The following UNC13D variants were observed in gnomAD, a reference collection of about 807,000 sequenced individuals.
UNC13D encodes protein unc-13 homolog D.
In UNC13D, 115 loss-of-function variants were observed where a neutral mutation model predicts 151.7. That is an observed-to-expected ratio of 0.76 (90% CI 0.65 to 0.88). The LOEUF (loss-of-function observed/expected upper bound fraction) is 0.88, where lower values mean the gene tolerates loss of function less well. Among genes scored for constraint, UNC13D ranks in the 40% least tolerant of loss-of-function variants. UNC13D has a pLI of 0.00. For synonymous variants in UNC13D, 588 were observed against 612.2 expected, an observed-to-expected ratio of 0.96 and a Z score of 0.58; for missense variants, 1,369 against 1,438.7, an observed-to-expected ratio of 0.95 and a Z score of 0.78.
At position 75,828,811 on chromosome 17, in the gene UNC13D, G is replaced by A. The variant is rs780811495; in HGVS notation, c.3127C>T (p.Pro1043Ser). Residue 1043 changes from proline to serine, a missense_variant, in exon 31 of 32, where the codon CCC (proline) becomes TCC (serine). By Grantham distance (74) the Pro-to-Ser change is moderately conservative (BLOSUM62 -1). This residue lies in a region of UNC13D where 807 missense variants were observed against 795.5 expected (regional missense o/e 1.01). Transcript: ENST00000207549. ...CCGTTGGGTGCGGGGTACGTGAGGGGCAGGCGGGTCTGAGGCACCTCACCA... is the reference window on the plus strand; with the variant it reads ...CCGTTGGGTGCGGGGTACGTGAGGGACAGGCGGGTCTGAGGCACCTCACCA... ...EPGEVPQTRLPLTYPAPNGDP... is the reference protein window; with the variant it reads ...EPGEVPQTRLSLTYPAPNGDP... The A allele has an allele frequency of 5.8e-6, 9 of 1,555,698 alleles. No homozygotes were observed. Among genetic ancestry groups the A allele is most frequent in the Admixed American group, 1.9e-5 (1 of 51,670 alleles).
In UNC13D at chr17:75,843,151, G is replaced by A. The variant is rs573508258; in HGVS notation, c.261+8C>T. The A allele has an allele frequency of 1.2e-4, 195 of 1,611,408 alleles. No individual in the cohort carries two copies. The East Asian group carries it at 1.3e-3, about 11-fold the overall frequency. On this transcript the variant is annotated splice_region_variant and intron_variant, in intron 3 of 31. Transcript: ENST00000207549. ...CAGGAAGGGGGGTGGGGTGGGAGCC[G>A]GGCTCACCTCCTGCAGGTATCGCAG...
rs943094444 is a variant in UNC13D at position 75,840,304 on chromosome 17, C to G, written c.779G>C (p.Trp260Ser). Residue 260 changes from tryptophan (W) to serine (S), a missense_variant, in exon 10 of 32, where the codon TGG (tryptophan) becomes TCG (serine). This residue lies in a region of UNC13D where 550 missense variants were observed against 609.0 expected (regional missense o/e 0.90). Coordinates refer to ENST00000207549, the MANE Select transcript of UNC13D (RefSeq NM_199242.3). This position sits in a 1 kb window ranked among gnomAD's most constrained non-coding sequence, Gnocchi z 4.6. ...CTCAGTGCGGGGTTCCAGGGGGTAC[C>G]ACTGGTCCTCTCGGCAGCGCAGGTC... ...LQDLRCREDQ[W>S]YPLEPRTETY... 1.2e-6 allele frequency: 2 copies of G among 1,613,846 alleles called. No homozygotes were observed. The highest frequency in any genetic ancestry group is 1.7e-6 in the Non-Finnish European group (2 of 1,180,008).
At chr17:75,838,825 G>A (rs897725128) in intron 12 of UNC13D, among the ~76,000 whole-genome samples, 28 of 152,214 alleles carry the variant, frequency 1.8e-4, no homozygotes, top group Admixed American at 1.7e-3. Flanking sequence ...CAAAGGCTGG[G>A]CGCGGTGGCA....
At chr17:75,841,033 C>T in intron 6 of UNC13D, 32 bp from the exon 7 acceptor site, 2 of 1,613,592 alleles carry the variant, frequency 1.2e-6, no homozygotes, top group Non-Finnish European at 1.7e-6. Context: ...GTTGAGGGCC[C>T]TGGAGGGTGG....
rs548727878 is a variant in UNC13D at position 75,838,508 on chromosome 17, C to T, written c.1055+1331G>A. Among the ~76,000 whole-genome samples the T allele has an allele frequency of 5.3e-5, 8 of 152,044 alleles. No individual in the cohort carries two copies. The South Asian group carries it at 1.2e-3, about 24-fold the overall frequency. ...TGCTGGGATTCCAGGCGCGAGCCAC[C>T]GTGCCCGGCCGGCTATGTCCCATCT... is the stretch of plus-strand genomic sequence containing the variant. On this transcript the variant is annotated intron_variant, in intron 12 of 31. Coordinates refer to ENST00000207549, the MANE Select transcript of UNC13D (RefSeq NM_199242.3).
Position 75,833,089 on chromosome 17 carries a change from G to A in UNC13D, c.2368-44C>T. The A allele has an allele frequency of 6.4e-7, 1 of 1,557,470 alleles. No individual in the cohort carries two copies. The highest frequency in any genetic ancestry group is 8.7e-7 in the Non-Finnish European group (1 of 1,146,824). On this transcript the variant is annotated intron_variant, in intron 24 of 31. Transcript: ENST00000207549. The surrounding 1 kb of genome is among the most constrained non-coding windows in gnomAD (Gnocchi z 4.0). ...AGCAGGTGTGGCTCCGGCCCATGTT[G>A]GCCCCACCCCCATCCCCTTCCCCTG... is the stretch of plus-strand genomic sequence containing the variant.
chr17:75,843,558 C>A, intron 1 of UNC13D, 39 bp from the exon 2 acceptor site: 1 of 1,605,464 alleles, frequency 6.2e-7, no homozygotes, highest in Non-Finnish European at 8.5e-7. Context: ...CCGGGAGGCC[C>A]AGAGCAGGCT....
rs958957657 is a variant in UNC13D, at chr17:75,834,716, C to A, written c.1993G>T (p.Asp665Tyr). 6.2e-7 allele frequency: 1 copy of A among 1,613,440 alleles called. No individual in the cohort carries two copies. Among genetic ancestry groups the A allele is most frequent in the Non-Finnish European group, 8.5e-7 (1 of 1,179,958 alleles). ...AFMITVKFVE[D>Y]TCRLALVYCS... ...TACACCAGGGCCAGGCGACAGGTGT[C>A]CTAGGGTGGGGTTGGACAGAGGGAA... The change falls in exon 22 of 32, where the codon GAC becomes TAC. Residue 665 changes from aspartate (D) to tyrosine (Y), a missense_variant and splice_region_variant. Coordinates refer to ENST00000207549, the MANE Select transcript of UNC13D (RefSeq NM_199242.3).
At position 75,843,933 on chromosome 17, in the gene UNC13D, G is replaced by A; in HGVS notation, c.117+288C>T. 8 of 1,386,298 alleles carry A rather than the reference G, an allele frequency of 5.8e-6. No homozygotes were observed. In the South Asian group the frequency reaches 7.8e-5, roughly 14 times the overall value. 85.9% of individuals were successfully genotyped at this position (1,386,298 alleles called of 1,614,324 possible). ...AGCAGGGACACCCCCACCTAATGGA[G>A]TCGGCTCTTCTGAAGCTGGAGGAGT... On this transcript the variant is annotated intron_variant, in intron 1 of 31. Transcript: ENST00000207549.
In UNC13D at chr17:75,832,832, AG is replaced by A. The variant is rs1315846484; in HGVS notation, c.2447+133del. The A allele has an allele frequency of 1.3e-5, 10 of 770,378 alleles. No homozygotes were observed. Among genetic ancestry groups the A allele is most frequent in the African/African-American group, 1.8e-5 (1 of 56,950 alleles). The allele number at this position is 770,378 out of a possible 1,614,324, so 47.7% of individuals were successfully genotyped here. A position where few individuals can be genotyped will look rare whatever the true frequency, so the allele number is the denominator to read the frequency against. On this transcript the variant is annotated intron_variant, in intron 25 of 31. Transcript: ENST00000207549. The surrounding 1 kb of genome is among the most constrained non-coding windows in gnomAD (Gnocchi z 4.3). Reference sequence around the variant, plus strand: ...CAGGAAAGAGGGGCCGTGGGAGGAGAGGGGGAGGTGGCGAGCGCGCCCAGGG... The same window carrying A: ...CAGGAAAGAGGGGCCGTGGGAGGAGAGGGGAGGTGGCGAGCGCGCCCAGGG...
rs768860432 is a variant in UNC13D at position 75,836,939 on chromosome 17, TCA to T, written c.1056-23_1056-22del. 2.5e-6 allele frequency: 4 copies of T among 1,610,386 alleles called. No individual in the cohort carries two copies. The Admixed American group carries it at 6.7e-5, about 27-fold the overall frequency. ...ACTGCCTGCAGGGGACAGGAAGCCC[TCA>T]GCTGGACAGGGAGGAGGAAATTGCC... On this transcript the variant is annotated intron_variant, in intron 12 of 31. Coordinates refer to ENST00000207549, the MANE Select transcript of UNC13D (RefSeq NM_199242.3).
chr17:75,830,770 A>C, intron 27 of UNC13D, 109 bp from the exon 28 acceptor site: 1 of 1,343,966 alleles, frequency 7.4e-7, no homozygotes, highest in Admixed American at 2.0e-5. Flanking sequence ...TTGAAATGGA[A>C]AGTATTGGGT....
In UNC13D at chr17:75,835,189, G is replaced by A. The variant is rs114363744; in HGVS notation, c.1849-126C>T. The A allele has an allele frequency of 4.6e-3, 6,940 of 1,501,660 alleles. 197 individuals are homozygous for A. The African/African-American group carries it at 0.069, about 15-fold the overall frequency. 93.0% of individuals were successfully genotyped at this position (1,501,660 alleles called of 1,614,324 possible). A position where few individuals can be genotyped will look rare whatever the true frequency, so the allele number is the denominator to read the frequency against. On this transcript the variant is annotated intron_variant, in intron 20 of 31. Transcript: ENST00000207549. The stretch of plus-strand genomic sequence containing the variant: ...AGGGAGCTTCACAAGAGACAAGCAC[G>A]GCTCCGCCCAGACCCCCAGGCTGCA...
chr17:75,834,216 A>G, intron 23 of UNC13D, 73 bp from the exon 24 acceptor site: 7 of 1,598,936 alleles, frequency 4.4e-6, no homozygotes, highest in African/African-American at 1.3e-5. Flanking sequence ...TTAGGGCCTG[A>G]GTTTAGACGC....
rs1362312336 is a variant in UNC13D, at chr17:75,835,667, C to T, written c.1707G>A (p.Leu569=). The part of the protein sequence containing the change: ...LYISLKELCQ[L]RMSSSERDGV... ...CCCACCTCTCTGAGGAGCTCATGCG[C>T]AGCTGGCAGAGCTCCTTGAGGCTGA... Residue 569 remains leucine (L), a synonymous_variant, in exon 19 of 32, where the codon CTG becomes CTA. Coordinates refer to ENST00000207549, the MANE Select transcript of UNC13D (RefSeq NM_199242.3). The T allele has an allele frequency of 1.2e-6, 2 of 1,613,376 alleles. No homozygotes were observed. The highest frequency in any genetic ancestry group is 1.7e-6 in the Non-Finnish European group (2 of 1,180,034).
At chr17:75,836,544 ACCG>A (rs2064910213) in intron 14 of UNC13D, 25 bp downstream of exon 14, 1 of 1,612,986 alleles carries the variant, frequency 6.2e-7, no homozygotes, top group African/African-American at 1.3e-5. Flanking sequence ...CCCTGACCCC[ACCG>A]AGGAAGAGGA....
At position 75,835,888 on chromosome 17, in the gene UNC13D, G is replaced by A. The variant is rs1342215879; in HGVS notation, c.1563C>T (p.Leu521=). 3 of 1,614,092 alleles carry A rather than the reference G, an allele frequency of 1.9e-6. No homozygotes were observed. Among genetic ancestry groups the A allele is most frequent in the African/African-American group, 2.7e-5 (2 of 74,950 alleles). ...GCAGCTCCCGGAAAGCCATGGAGAAGAGGTGGATCTTGAGGGTACTGGAGG... is the reference window on the plus strand; with the variant it reads ...GCAGCTCCCGGAAAGCCATGGAGAAAAGGTGGATCTTGAGGGTACTGGAGG... The part of the protein sequence containing the change: ...KIFHNTLKIH[L]FSMAFRELQW... Residue 521 remains leucine, a synonymous_variant, in exon 18 of 32, where the codon CTC becomes CTT. Coordinates refer to ENST00000207549, the MANE Select transcript of UNC13D (RefSeq NM_199242.3).
rs534355824 is a variant in UNC13D at position 75,833,135 on chromosome 17, G to T, written c.2368-90C>A. On this transcript the variant is annotated intron_variant, in intron 24 of 31. Transcript: ENST00000207549. This position sits in a 1 kb window ranked among gnomAD's most constrained non-coding sequence, Gnocchi z 4.0. ...CCCTGACCTGGAGGGAGGAAACAGG[G>T]CTGGGAACCGTTCTGTGAGAGCAGT... 14 of 1,323,964 alleles carry T rather than the reference G, an allele frequency of 1.1e-5. No homozygotes were observed. In the Admixed American group the frequency reaches 2.4e-4, roughly 23 times the overall value. 82.0% of individuals were successfully genotyped at this position (1,323,964 alleles called of 1,614,324 possible).
At position 75,827,937 on chromosome 17, in the gene UNC13D, G is replaced by T; in HGVS notation, c.*28C>A. ...AAAGCCCTTGCAAGTCCCCACCGGGGACCCAGCCCCACCGCAAACCTCTAC... is the reference window on the plus strand; with the variant it reads ...AAAGCCCTTGCAAGTCCCCACCGGGTACCCAGCCCCACCGCAAACCTCTAC... On this transcript the variant is annotated 3_prime_UTR_variant, in exon 32 of 32. Coordinates refer to ENST00000207549, the MANE Select transcript of UNC13D (RefSeq NM_199242.3). 1 of 1,606,236 alleles carries T rather than the reference G, an allele frequency of 6.2e-7. No homozygotes were observed. Among genetic ancestry groups the T allele is most frequent in the East Asian group, 2.2e-5 (1 of 44,570 alleles).
Sources: allele counts gnomAD v4.1 joint callset (sites outside exome capture counted in the v4.1 genomes callset), GRCh38; gene constraint gnomAD v4.1.1; regional missense constraint gnomAD v4.1.1; non-coding constraint Gnocchi (gnomAD v3.1); transcripts MANE v1.5; gene names NCBI Gene and HGNC (gene_info 2026-07-23, HGNC 2026-07-21).